KCNQ1: variants seen among roughly 807,000 people sequenced by gnomAD.
The protein encoded by KCNQ1 is potassium voltage-gated channel subfamily Q member 1.
Under a neutral mutation model 72.4 loss-of-function variants are expected in KCNQ1, and 49 were observed. That is an observed-to-expected ratio of 0.68 (90% CI 0.54 to 0.86). The LOEUF (loss-of-function observed/expected upper bound fraction) is 0.86. Ranked by LOEUF, KCNQ1 falls within the 40% of genes least tolerant of loss-of-function variation. The pLI is 0.00. For synonymous variants in KCNQ1, 450 were observed against 412.6 expected (o/e 1.09, Z -1.10); for missense variants, 790 against 945.1 (o/e 0.84, Z 2.15).
rs368696639 is a variant in KCNQ1, at chr11:2,674,826, GTT to G, written c.1514+12750_1514+12751del. ...GGAAAGGCTTGTCACCCTAATAGCT[GTT>G]TTTTAAAAAAAAAAAAAAAAAAAAA... On this transcript the variant is annotated intron_variant, in intron 11 of 15. Coordinates refer to ENST00000155840, the MANE Select transcript of KCNQ1 (RefSeq NM_000218.3). This position sits in a 1 kb window ranked among gnomAD's most constrained non-coding sequence, Gnocchi z 5.9. The G allele has an allele frequency of 4.6e-6, 1 of 218,148 alleles. No homozygotes were observed. Among genetic ancestry groups the G allele is most frequent in the African/African-American group, 5.5e-5 (1 of 18,284 alleles). The allele number at this position is 218,148 out of a possible 1,614,324, so 13.5% of individuals were successfully genotyped here. A position where few individuals can be genotyped will look rare whatever the true frequency, so the allele number is the denominator to read the frequency against.
At chr11:2,797,638 C>G (rs11024135) in intron 15 of KCNQ1, among the ~76,000 whole-genome samples, 1 of 152,274 alleles carries the variant, frequency 6.6e-6, no homozygotes, top group African/African-American at 2.4e-5. Context: ...TTTGCCTTCT[C>G]TGTGCAGCAG....
chr11:2,511,285 G>A (rs1847199017), intron 1 of KCNQ1, among the ~76,000 whole-genome samples: 1 of 152,190 alleles, frequency 6.6e-6, no homozygotes, highest in Admixed American at 6.5e-5. Context: ...AGCAGGGCCA[G>A]AATTGAGAGC....
At chr11:2,686,086 G>A (rs1403408560) in intron 11 of KCNQ1, 23 of 398,760 alleles carry the variant, frequency 5.8e-5, no homozygotes, top group Non-Finnish European at 1.0e-4. Flanking sequence ...CCAGCATTGA[G>A]TAGGCCTGAG....
Position 2,484,694 on chromosome 11 carries a change from G to A in KCNQ1, c.386+39210G>A, listed in dbSNP as rs1846707252. On this transcript the variant is annotated intron_variant, in intron 1 of 15. Transcript: ENST00000155840. The surrounding 1 kb of genome is among the most constrained non-coding windows in gnomAD (Gnocchi z 5.2). ...TGGAGAGTGGTCTTTAGAAACCCAGGCCTGGGTGCATGGTGTGCTCATCGC... is the reference window on the plus strand; with the variant it reads ...TGGAGAGTGGTCTTTAGAAACCCAGACCTGGGTGCATGGTGTGCTCATCGC... 6.6e-6 allele frequency among the ~76,000 whole-genome samples: 1 copy of A among 152,122 alleles called. No individual in the cohort carries two copies. The highest frequency in any genetic ancestry group is 2.1e-4 in the South Asian group (1 of 4,820).
rs1292816807 is a variant in KCNQ1, at chr11:2,620,209, A to AT, written c.1393+31356dup. ...CGTAAGTTCATTCATGTATATATAT[A>AT]TATTTTTTTTTTTTATTTTTTTTTT... is the stretch of plus-strand genomic sequence containing the variant. On this transcript the variant is annotated intron_variant, in intron 10 of 15. Transcript: ENST00000155840. This position sits in a 1 kb window ranked among gnomAD's most constrained non-coding sequence, Gnocchi z 4.5. 39 of 301,980 alleles carry AT rather than the reference A, an allele frequency of 1.3e-4. No individual in the cohort carries two copies. The highest frequency in any genetic ancestry group is 1.2e-3 in the South Asian group (7 of 5,866). 18.7% of individuals were successfully genotyped at this position (301,980 alleles called of 1,614,324 possible).
At position 2,848,983 on chromosome 11, in the gene KCNQ1, A is replaced by T. The variant is rs1477991608; in HGVS notation, c.*980A>T. The T allele has an allele frequency of 2.2e-6, 1 of 454,046 alleles. No homozygotes were observed. The highest frequency in any genetic ancestry group is 4.4e-6 in the Non-Finnish European group (1 of 226,798). The allele number at this position is 454,046 out of a possible 1,614,324, so 28.1% of individuals were successfully genotyped here. On this transcript the variant is annotated 3_prime_UTR_variant, in exon 16 of 16. Transcript: ENST00000155840. Reference sequence around the variant, plus strand: ...TGCAAGCTTTTCCTAATAAACGTGGAGAATCACAGGCTGGGCTGGGCACTG... The same window carrying T: ...TGCAAGCTTTTCCTAATAAACGTGGTGAATCACAGGCTGGGCTGGGCACTG...
intron 2 of KCNQ1, among the ~76,000 whole-genome samples, chr11:2,558,070 C>G (rs1248952591): frequency 6.6e-6 from 1 of 152,206 alleles, no homozygotes; most frequent in African/African-American, 2.4e-5. Context: ...TTAAACAACA[C>G]TCTCCTAAAT....
Position 2,483,964 on chromosome 11 carries a change from A to G in KCNQ1, c.386+38480A>G, listed in dbSNP as rs1487076028. Among the ~76,000 whole-genome samples, 2 of 152,140 alleles carry G rather than the reference A, an allele frequency of 1.3e-5. No homozygotes were observed. Among genetic ancestry groups the G allele is most frequent in the Non-Finnish European group, 2.9e-5 (2 of 68,028 alleles). ...TCAGCTGGTTTTGCTTGTGACAGGCAAAGTCTGTGGTGCTTGCCAAATGGG... is the reference window on the plus strand; with the variant it reads ...TCAGCTGGTTTTGCTTGTGACAGGCGAAGTCTGTGGTGCTTGCCAAATGGG... On this transcript the variant is annotated intron_variant, in intron 1 of 15. Coordinates refer to ENST00000155840, the MANE Select transcript of KCNQ1 (RefSeq NM_000218.3). This position sits in a 1 kb window ranked among gnomAD's most constrained non-coding sequence, Gnocchi z 6.1.
intron 6 of KCNQ1, among the ~76,000 whole-genome samples, chr11:2,575,306 C>A (rs1177627817): frequency 6.6e-6 from 1 of 152,172 alleles, no homozygotes; most frequent in African/African-American, 2.4e-5. Context: ...CGAGCCTCGG[C>A]CATCGCGCGC....
intron 11 of KCNQ1, chr11:2,675,562 A>C: frequency 5.0e-6 from 2 of 398,700 alleles, no homozygotes; most frequent in Non-Finnish European, 8.8e-6. Flanking sequence ...GTAATAAGAC[A>C]TACGTAACAG....
At position 2,748,316 on chromosome 11, in the gene KCNQ1, C is replaced by T. The variant is rs1023216107; in HGVS notation, c.1515-20528C>T. 1.3e-5 allele frequency among the ~76,000 whole-genome samples: 2 copies of T among 152,206 alleles called. No individual in the cohort carries two copies. The highest frequency in any genetic ancestry group is 4.8e-5 in the African/African-American group (2 of 41,438). On this transcript the variant is annotated intron_variant, in intron 11 of 15. Coordinates refer to ENST00000155840, the MANE Select transcript of KCNQ1 (RefSeq NM_000218.3). This position sits in a 1 kb window ranked among gnomAD's most constrained non-coding sequence, Gnocchi z 6.2. ...TAGCTCACCCTGGGTCCACGCAGGGCCTGCTCCCAGAGTGAATCCCAGAGG... is the reference window on the plus strand; with the variant it reads ...TAGCTCACCCTGGGTCCACGCAGGGTCTGCTCCCAGAGTGAATCCCAGAGG...
rs1846138085 is a variant in KCNQ1 at position 2,746,311 on chromosome 11, TC to T, written c.1515-22532del. 6.6e-6 allele frequency among the ~76,000 whole-genome samples: 1 copy of T among 152,230 alleles called. No homozygotes were observed. The highest frequency in any genetic ancestry group is 2.4e-5 in the African/African-American group (1 of 41,448). On this transcript the variant is annotated intron_variant, in intron 11 of 15. Coordinates refer to ENST00000155840, the MANE Select transcript of KCNQ1 (RefSeq NM_000218.3). This position sits in a 1 kb window ranked among gnomAD's most constrained non-coding sequence, Gnocchi z 5.9. The stretch of plus-strand genomic sequence containing the variant: ...TGCCCTTCCCCCAGCAGCCCTATTA[TC>T]AGCATCTCACATTAGTATGCATTTG...
chr11:2,732,491 A>G (rs1845872329), intron 11 of KCNQ1, among the ~76,000 whole-genome samples: 1 of 152,018 alleles, frequency 6.6e-6, no homozygotes, highest in African/African-American at 2.4e-5. Flanking sequence ...CTTGCCTGGT[A>G]CCTTCTCTCC....
rs1435997040 is a variant in KCNQ1, at chr11:2,720,875, C to T, written c.1515-47969C>T. Among the ~76,000 whole-genome samples, 2 of 152,024 alleles carry T rather than the reference C, an allele frequency of 1.3e-5. No individual in the cohort carries two copies. The highest frequency in any genetic ancestry group is 4.8e-5 in the African/African-American group (2 of 41,384). ...GGCCTTGCTGGGAGTTGGGGCCTGG[C>T]CTGGACCTCGAGGCCACTGGGGACT... On this transcript the variant is annotated intron_variant, in intron 11 of 15. Transcript: ENST00000155840. The surrounding 1 kb of genome is among the most constrained non-coding windows in gnomAD (Gnocchi z 5.1).
chr11:2,812,519 C>T (rs951910657), intron 15 of KCNQ1, among the ~76,000 whole-genome samples: 8 of 152,214 alleles, frequency 5.3e-5, no homozygotes, highest in Non-Finnish European at 1.0e-4. Flanking sequence ...AGGGCATTTC[C>T]GGGAGGCGGG....
At chr11:2,804,673 C>T (rs1459102559) in intron 15 of KCNQ1, among the ~76,000 whole-genome samples, 1 of 152,176 alleles carries the variant, frequency 6.6e-6, no homozygotes, top group Non-Finnish European at 1.5e-5. Context: ...CACTGCCCAG[C>T]GTGAAGCTGC....
chr11:2,794,081 G>A (rs1474710136), intron 15 of KCNQ1, among the ~76,000 whole-genome samples: 3 of 152,214 alleles, frequency 2.0e-5, no homozygotes, highest in Admixed American at 1.3e-4. Context: ...GCGAGGGATG[G>A]CCCGGCCGGG....
Position 2,598,813 on chromosome 11 carries a change from C to T in KCNQ1, c.1393+9959C>T, listed in dbSNP as rs115446986. Among the ~76,000 whole-genome samples the T allele has an allele frequency of 7.6e-3, 1,153 of 152,278 alleles. 14 individuals carry two copies. The highest frequency in any genetic ancestry group is 0.026 in the African/African-American group (1,095 of 41,546). On this transcript the variant is annotated intron_variant, in intron 10 of 15. Transcript: ENST00000155840. The surrounding 1 kb of genome is among the most constrained non-coding windows in gnomAD (Gnocchi z 6.2). Reference sequence around the variant, plus strand: ...AAGCAAGCTACTGCATTCTCTGTGCCTCAGTTTCCACATCTGTGAAATCAG... The same window carrying T: ...AAGCAAGCTACTGCATTCTCTGTGCTTCAGTTTCCACATCTGTGAAATCAG...
At chr11:2,800,658 G>A (rs1329700118) in intron 15 of KCNQ1, among the ~76,000 whole-genome samples, 2 of 152,192 alleles carry the variant, frequency 1.3e-5, no homozygotes, top group Non-Finnish European at 2.9e-5. Flanking sequence ...TGATGCCAAG[G>A]TCCAACGCCC....
Sources: gnomAD v4.1 joint callset for allele counts (sites outside exome capture counted in the v4.1 genomes callset) on GRCh38, gnomAD v4.1.1 for gene constraint, Gnocchi (gnomAD v3.1) non-coding constraint, MANE v1.5 for transcripts, NCBI Gene and HGNC (gene_info 2026-07-23, HGNC 2026-07-21) for gene names.